The following IRF6 variants were observed in gnomAD, a reference collection of about 807,000 sequenced individuals.
The protein encoded by IRF6 is Van der Woude syndrome.
IRF6 carries 6 observed loss-of-function variants against 51.4 expected under a neutral mutation model. That is an observed-to-expected ratio of 0.12 (90% CI 0.06 to 0.23). The LOEUF (loss-of-function observed/expected upper bound fraction) is 0.23. Ranked by LOEUF, IRF6 falls within the 10% of genes least tolerant of loss-of-function variation. IRF6 has a pLI of 1.00. For synonymous variants in IRF6, 178 were observed against 215.7 expected (o/e 0.83, Z 1.53); for missense variants, 348 against 585.2 (o/e 0.59, Z 4.18).
In IRF6 at chr1:209,801,306, G is replaced by A. The variant is rs754005221; in HGVS notation, c.108C>T (p.Phe36=). 3 of 1,614,092 alleles carry A rather than the reference G, an allele frequency of 1.9e-6. No individual in the cohort carries two copies. The Admixed American group carries it at 5.0e-5, about 27-fold the overall frequency. The change falls in exon 3 of 9, where the codon TTC becomes TTT. Residue 36 remains phenylalanine (F), a synonymous_variant. Coordinates refer to ENST00000367021, the MANE Select transcript of IRF6 (RefSeq NM_006147.4). The part of the protein sequence containing the change: ...LIWLHRDSKR[F]QIPWKHATRH... The stretch of plus-strand genomic sequence containing the variant: ...GGGTGGCATGTTTCCAGGGAATCTG[G>A]AAGCGTTTAGAGTCCCTGTGTAGCC...
intron 4 of IRF6, among the ~76,000 whole-genome samples, chr1:209,795,858 A>T (rs1440794997): frequency 6.6e-6 from 1 of 152,002 alleles, no homozygotes; most frequent in Non-Finnish European, 1.5e-5. Context: ...AGATCATGTT[A>T]ATTTTTTTTT....
chr1:209,802,647 C>T (rs1157683243), intron 1 of IRF6, among the ~76,000 whole-genome samples: 1 of 152,150 alleles, frequency 6.6e-6, no homozygotes, highest in Non-Finnish European at 1.5e-5. Flanking sequence ...TGAGAAACTC[C>T]ACACTGGAAC....
chr1:209,797,521 C>T (rs2077910672), intron 3 of IRF6, among the ~76,000 whole-genome samples: 1 of 152,082 alleles, frequency 6.6e-6, no homozygotes, highest in Non-Finnish European at 1.5e-5. Context: ...TCCCCTCAAA[C>T]TTCTGCTTCA....
chr1:209,790,351 C>G lies in IRF6; in HGVS notation c.1060+144G>C. ...ACCTCCAATTTTTAGAACCAAAGTTCTGTTCTCCCTTGACCTCCTCCAGAC... is the reference window on the plus strand; with the variant it reads ...ACCTCCAATTTTTAGAACCAAAGTTGTGTTCTCCCTTGACCTCCTCCAGAC... On this transcript the variant is annotated intron_variant, in intron 7 of 8. Transcript: ENST00000367021. The surrounding 1 kb of genome is among the most constrained non-coding windows in gnomAD (Gnocchi z 4.8). 1 of 896,038 alleles carries G rather than the reference C, an allele frequency of 1.1e-6. No homozygotes were observed. The highest frequency in any genetic ancestry group is 1.5e-5 in the South Asian group (1 of 68,420). 55.5% of individuals were successfully genotyped at this position (896,038 alleles called of 1,614,324 possible). A position where few individuals can be genotyped will look rare whatever the true frequency, so the allele number is the denominator to read the frequency against.
chr1:209,799,334 A>G (rs1558042213), intron 3 of IRF6, among the ~76,000 whole-genome samples: 1 of 152,140 alleles, frequency 6.6e-6, no homozygotes, highest in Non-Finnish European at 1.5e-5. Context: ...TACCCCCACC[A>G]CTTACTGGCT....
At chr1:209,800,795 G>A (rs1023133960) in intron 3 of IRF6, among the ~76,000 whole-genome samples, 1 of 152,056 alleles carries the variant, frequency 6.6e-6, no homozygotes, top group Admixed American at 6.5e-5. Context: ...CTTGCTGAGA[G>A]CCCTCTATAC....
rs2077846345 is a variant in IRF6 at position 209,788,318 on chromosome 1, G to A, written c.*102C>T. 1.3e-6 allele frequency: 1 copy of A among 787,080 alleles called. No homozygotes were observed. Among genetic ancestry groups the A allele is most frequent in the African/African-American group, 1.7e-5 (1 of 57,736 alleles). The allele number at this position is 787,080 out of a possible 1,614,324, so 48.8% of individuals were successfully genotyped here. A position where few individuals can be genotyped will look rare whatever the true frequency, so the allele number is the denominator to read the frequency against. Reference sequence around the variant, plus strand: ...TGGAGAATCACAAACTTCTAACACTGTTAGAGAAAAGAGAGATTTAAAAGC... The same window carrying A: ...TGGAGAATCACAAACTTCTAACACTATTAGAGAAAAGAGAGATTTAAAAGC... On this transcript the variant is annotated 3_prime_UTR_variant, in exon 9 of 9. Coordinates refer to ENST00000367021, the MANE Select transcript of IRF6 (RefSeq NM_006147.4).
intron 3 of IRF6, among the ~76,000 whole-genome samples, chr1:209,798,241 C>T (rs2077916296): frequency 6.6e-6 from 1 of 152,240 alleles, no homozygotes; most frequent in African/African-American, 2.4e-5. Context: ...ACTGCTGCTC[C>T]ATTCTATCCA....
chr1:209,793,580 T>A (rs1163323199), intron 5 of IRF6, among the ~76,000 whole-genome samples: 1 of 105,178 alleles, frequency 9.5e-6, no homozygotes, highest in Non-Finnish European at 2.1e-5. Context: ...TGTTTACTTT[T>A]ATTTTAGTTT....
chr1:209,795,558 A>G (rs2102541916), intron 4 of IRF6, 140 bp from the exon 5 acceptor site: 1 of 1,303,698 alleles, frequency 7.7e-7, no homozygotes, highest in East Asian at 2.5e-5. Context: ...CTAGCTAAAA[A>G]GAGTGAGAAT....
At position 209,792,323 on chromosome 1, in the gene IRF6, C is replaced by G; in HGVS notation, c.613G>C (p.Ala205Pro). The change falls in exon 6 of 9, where the codon GCA becomes CCA. Residue 205 changes from alanine to proline, a missense_variant. By Grantham distance (27) the Ala-to-Pro change is conservative. Around this residue, in one of 5 missense-constraint regions of IRF6, gnomAD observed 124 missense variants for 141.6 expected, o/e 0.88. Coordinates refer to ENST00000367021, the MANE Select transcript of IRF6 (RefSeq NM_006147.4). The stretch of plus-strand genomic sequence containing the variant: ...GAGCTATAGAAGGGCTGTATAGGTG[C>G]CTGGGGTACTTCCATCTCCAGGGGT... Reference protein sequence around the residue: ...TEPLEMEVPQAPIQPFYSSPE... With the variant: ...TEPLEMEVPQPPIQPFYSSPE... The G allele has an allele frequency of 6.2e-7, 1 of 1,614,210 alleles. No homozygotes were observed. Among genetic ancestry groups the G allele is most frequent in the East Asian group, 2.2e-5 (1 of 44,888 alleles).
At chr1:209,795,537 C>T in intron 4 of IRF6, 119 bp from the exon 5 acceptor site, 1 of 1,418,784 alleles carries the variant, frequency 7.0e-7, no homozygotes, top group Non-Finnish European at 9.7e-7. Flanking sequence ...TCAGTACACA[C>T]CCTCAATGTC....
In IRF6 at chr1:209,790,613, G is replaced by C. The variant is rs1275065450; in HGVS notation, c.942C>G (p.Ile314Met). ...AGTACACCTTGCACTGGCACAGCCT[G>C]ATGGCATAAATGGCATGACCGCTGA... is the stretch of plus-strand genomic sequence containing the variant. ...LEVSGHAIYA[I>M]RLCQCKVYWS... Residue 314 changes from isoleucine to methionine, a missense_variant, in exon 7 of 9, where the codon ATC (isoleucine) becomes ATG (methionine). Coordinates refer to ENST00000367021, the MANE Select transcript of IRF6 (RefSeq NM_006147.4). The surrounding 1 kb of genome is among the most constrained non-coding windows in gnomAD (Gnocchi z 4.8). 6.2e-7 allele frequency: 1 copy of C among 1,614,262 alleles called. No homozygotes were observed. The highest frequency in any genetic ancestry group is 8.5e-7 in the Non-Finnish European group (1 of 1,180,046).
In IRF6 at chr1:209,795,297, G is replaced by A. The variant is rs1392456367; in HGVS notation, c.501C>T (p.Asn167=). The stretch of plus-strand genomic sequence containing the variant: ...CCCATCATCCCCACTCACCATTGAT[G>A]TTCAGGAAGGGGAAGGTGTCCTGGA... ...VPIQDTFPFL[N]INGSPMAPAS... The change falls in exon 5 of 9, where the codon AAC becomes AAT. Residue 167 remains asparagine, a synonymous_variant. Transcript: ENST00000367021. 1 of 1,614,188 alleles carries A rather than the reference G, an allele frequency of 6.2e-7. No individual in the cohort carries two copies. Among genetic ancestry groups the A allele is most frequent in the Admixed American group, 1.7e-5 (1 of 60,026 alleles).
intron 3 of IRF6, among the ~76,000 whole-genome samples, chr1:209,800,503 T>C (rs186331072): frequency 1.2e-4 from 19 of 152,298 alleles, no homozygotes; most frequent in Admixed American, 1.2e-3. Context: ...ATGCCTGTAA[T>C]CTGAACACTC....
intron 4 of IRF6, among the ~76,000 whole-genome samples, chr1:209,795,845 AACAGATCATGTTAATTTTTTTTT>A (rs1179376593): frequency 4.6e-4 from 70 of 152,172 alleles, no homozygotes; most frequent in African/African-American, 1.5e-3. Flanking sequence ...AAATTTTTTT[AACAGATCATGTTAATTTTTTTTT>A]ACAGATCATG....
intron 5 of IRF6, 97 bp downstream of exon 5, chr1:209,795,193 G>T: frequency 7.2e-7 from 1 of 1,397,702 alleles, no homozygotes; most frequent in Non-Finnish European, 1.0e-6. Context: ...GACTGATCCT[G>T]CTTTCAGGGC....
In IRF6 at chr1:209,788,419, A is replaced by T. The variant is rs781424516; in HGVS notation, c.*1T>A. ...GAGAAGGAAGAAGATGGCATTCACA[A>T]TTACTGGGGAGGCAGGGCAGGGGGC... On this transcript the variant is annotated 3_prime_UTR_variant, in exon 9 of 9. Coordinates refer to ENST00000367021, the MANE Select transcript of IRF6 (RefSeq NM_006147.4). 10 of 1,579,544 alleles carry T rather than the reference A, an allele frequency of 6.3e-6. No homozygotes were observed. Among genetic ancestry groups the T allele is most frequent in the Non-Finnish European group, 7.8e-6 (9 of 1,149,536 alleles).
chr1:209,789,092 G>A (rs560574722), intron 8 of IRF6, among the ~76,000 whole-genome samples: 1 of 152,320 alleles, frequency 6.6e-6, no homozygotes, highest in African/African-American at 2.4e-5. Context: ...TTGGGAGGCT[G>A]AGACAGGAGG....
Sources: allele counts gnomAD v4.1 joint callset (sites outside exome capture counted in the v4.1 genomes callset), GRCh38; gene constraint gnomAD v4.1.1; regional missense constraint gnomAD v4.1.1; non-coding constraint Gnocchi (gnomAD v3.1); transcripts MANE v1.5; gene names NCBI Gene and HGNC (gene_info 2026-07-23, HGNC 2026-07-21).